SMARCA4: variants seen among roughly 807,000 people sequenced by gnomAD.
SMARCA4 encodes the protein SWI/SNF related BAF chromatin remodeling complex subunit ATPase 4.
A neutral mutation model predicts 193.9 loss-of-function variants in SMARCA4; 31 were observed. That is an observed-to-expected ratio of 0.16 (90% CI 0.12 to 0.22). SMARCA4 has a LOEUF of 0.22. Ranked by LOEUF, SMARCA4 falls within the 10% of genes least tolerant of loss-of-function variation. The pLI is 1.00. For synonymous variants in SMARCA4, 942 were observed against 933.1 expected, an observed-to-expected ratio of 1.01 and a Z score of -0.17; for missense variants, 1,148 against 2,296.0, an observed-to-expected ratio of 0.50 and a Z score of 10.22.
chr19:11,020,841 C>CT (rs1022542718), intron 18 of SMARCA4: 367 of 143,852 alleles, frequency 2.6e-3, no homozygotes, highest in Admixed American at 3.0e-3. Context: ...TTTTTCTCTT[C>CT]TTTTTTTTTT....
In SMARCA4 at chr19:10,986,882, C is replaced by G. The variant is rs2145794167; in HGVS notation, c.761-23C>G. 1 of 1,591,264 alleles carries G rather than the reference C, an allele frequency of 6.3e-7. No individual in the cohort carries two copies. The highest frequency in any genetic ancestry group is 8.6e-7 in the Non-Finnish European group (1 of 1,159,668). On this transcript the variant is annotated intron_variant, in intron 4 of 34. Transcript: ENST00000344626. This position sits in a 1 kb window ranked among gnomAD's most constrained non-coding sequence, Gnocchi z 6.7. ...ATAAACCTGGGACGCACTGTTTTCT[C>G]TTTTGTTTCTCCCTACATGTAGGTA...
intron 30 of SMARCA4, among the ~76,000 whole-genome samples, chr19:11,052,401 T>C (rs969568445): frequency 6.6e-6 from 1 of 152,046 alleles, no homozygotes; most frequent in African/African-American, 2.4e-5. Context: ...AGTGAGACCC[T>C]GTCTCAAAAA....
chr19:11,003,686 T>C (rs1014826614), intron 13 of SMARCA4, among the ~76,000 whole-genome samples: 2 of 152,016 alleles, frequency 1.3e-5, no homozygotes, highest in Non-Finnish European at 2.9e-5. Flanking sequence ...ATCCCTTATC[T>C]GGGAATGGTC....
At chr19:11,049,765 C>G (rs1049665601) in intron 30 of SMARCA4, among the ~76,000 whole-genome samples, 1 of 152,194 alleles carries the variant, frequency 6.6e-6, no homozygotes, top group Non-Finnish European at 1.5e-5. Context: ...CGCCAGCCAC[C>G]AGCCTGCCTG....
At chr19:11,047,286 A>G (rs987853173) in intron 30 of SMARCA4, among the ~76,000 whole-genome samples, 17 of 152,214 alleles carry the variant, frequency 1.1e-4, no homozygotes, top group African/African-American at 3.9e-4. Context: ...ACTTGAGGTG[A>G]TCTGGACGGT....
chr19:10,991,113 T>C (rs1442107760), intron 7 of SMARCA4, 37 bp from the exon 8 acceptor site: 1 of 1,611,558 alleles, frequency 6.2e-7, no homozygotes, highest in Non-Finnish European at 8.5e-7. Context: ...GCCACAGAGC[T>C]GTGCAGTGCG....
chr19:11,055,746 C>A (rs534203832), intron 30 of SMARCA4, among the ~76,000 whole-genome samples: 77 of 146,878 alleles, frequency 5.2e-4, no homozygotes, highest in Non-Finnish European at 1.1e-3. Flanking sequence ...GAATGGATCA[C>A]AAAACTGGCT....
At chr19:10,967,536 T>G (rs980827993) in intron 1 of SMARCA4, among the ~76,000 whole-genome samples, 2 of 151,452 alleles carry the variant, frequency 1.3e-5, no homozygotes, top group African/African-American at 4.9e-5. Flanking sequence ...GGTCTTGATC[T>G]CCTGACCTCG....
intron 9 of SMARCA4, 140 bp downstream of exon 9, chr19:10,995,141 G>A (rs990754745): frequency 1.5e-5 from 12 of 782,906 alleles, no homozygotes; most frequent in Non-Finnish European, 2.2e-5. Flanking sequence ...GAGCAGGCGC[G>A]GGCTTGGGAG....
In SMARCA4 at chr19:11,018,983, T is replaced by G; in HGVS notation, c.2465T>G (p.Phe822Cys). The G allele has an allele frequency of 6.2e-7, 1 of 1,614,198 alleles. No homozygotes were observed. Among genetic ancestry groups the G allele is most frequent in the Admixed American group, 1.7e-5 (1 of 60,034 alleles). Residue 822 changes from phenylalanine to cysteine, a missense_variant, in exon 17 of 35, where the codon TTT (phenylalanine) becomes TGT (cysteine). By Grantham distance (205) the Phe-to-Cys change is radical (BLOSUM62 -2). Around this residue, in one of 17 missense-constraint regions of SMARCA4, gnomAD observed 54 missense variants for 123.3 expected, o/e 0.44. Transcript: ENST00000344626. ...ACGCTGTCCAACTGGGCGTACGAGT[T>G]TGACAAGTGGGCCCCCTCCGTGGTG... ...LSTLSNWAYE[F>C]DKWAPSVVKV...
chr19:11,010,344 T>C (rs2146231130), intron 14 of SMARCA4, 37 bp from the exon 15 acceptor site: 1 of 1,611,268 alleles, frequency 6.2e-7, no homozygotes, highest in Non-Finnish European at 8.5e-7. Flanking sequence ...CAGATAGGAA[T>C]GTGTGTCCTT....
rs376966579 is a variant in SMARCA4 at position 11,044,887 on chromosome 19, A to T, written c.4424+3327A>T. ...TTGGTCATAATCTCCCAAAACAAGA[A>T]TCAGCCCAGTGTCCATCTACAGGGG... is the stretch of plus-strand genomic sequence containing the variant. On this transcript the variant is annotated intron_variant, in intron 30 of 34. Coordinates refer to ENST00000344626, the MANE Select transcript of SMARCA4 (RefSeq NM_003072.5). Among the ~76,000 whole-genome samples the T allele has an allele frequency of 1.1e-3, 170 of 152,302 alleles. 1 individual carries two copies. Among genetic ancestry groups the T allele is most frequent in the African/African-American group, 4.0e-3 (167 of 41,564 alleles).
chr19:10,965,148 C>T (rs935984073), intron 1 of SMARCA4, among the ~76,000 whole-genome samples: 2 of 152,158 alleles, frequency 1.3e-5, no homozygotes, highest in African/African-American at 2.4e-5. Flanking sequence ...GCCACTCTTC[C>T]CCATTTATGT....
At chr19:11,061,609 C>T in intron 34 of SMARCA4, 175 bp from the exon 35 acceptor site, 1 of 687,726 alleles carries the variant, frequency 1.5e-6, no homozygotes, top group South Asian at 1.5e-5. Context: ...ATCTCCTGAC[C>T]TCGTGATCCG....
In SMARCA4 at chr19:11,027,886, C is replaced by T. The variant is rs2146544509; in HGVS notation, c.3318C>T (p.Thr1106=). 1 of 1,614,164 alleles carries T rather than the reference C, an allele frequency of 6.2e-7. No individual in the cohort carries two copies. Among genetic ancestry groups the T allele is most frequent in the Non-Finnish European group, 8.5e-7 (1 of 1,180,028 alleles). The change falls in exon 24 of 35, where the codon ACC becomes ACT. Residue 1106 remains threonine, a synonymous_variant. Transcript: ENST00000344626. ...AAGTGCTGCTGTTCTGCCAAATGACCTCCCTCATGACCATCATGGAAGATT... is the reference window on the plus strand; with the variant it reads ...AAGTGCTGCTGTTCTGCCAAATGACTTCCCTCATGACCATCATGGAAGATT... ...NHKVLLFCQM[T]SLMTIMEDYF...
chr19:11,037,606 G>T (rs760284740), intron 29 of SMARCA4, among the ~76,000 whole-genome samples: 2 of 152,182 alleles, frequency 1.3e-5, no homozygotes, highest in Non-Finnish European at 2.9e-5. Flanking sequence ...TCGCTTCCGT[G>T]ATATCCGTTG....
chr19:11,026,831 G>A (rs1035896037), intron 23 of SMARCA4, among the ~76,000 whole-genome samples: 3 of 152,150 alleles, frequency 2.0e-5, no homozygotes, highest in African/African-American at 7.2e-5. Context: ...TTGGAGAGCT[G>A]ACCACTATTA....
chr19:11,021,598 G>A (rs774093591), intron 18 of SMARCA4, 127 bp from the exon 19 acceptor site: 3 of 1,211,574 alleles, frequency 2.5e-6, no homozygotes, highest in Non-Finnish European at 2.4e-6. Context: ...TCAGGCCTGT[G>A]CTCTCCACCC....
Position 11,033,198 on chromosome 19 carries a change from C to T in SMARCA4, c.3547-92C>T. On this transcript the variant is annotated intron_variant, in intron 25 of 34. Transcript: ENST00000344626. The surrounding 1 kb of genome is among the most constrained non-coding windows in gnomAD (Gnocchi z 9.8). ...GAATTGTCAGGCCGAGGGTGGCACG[C>T]ACAGCACACCTCTCCAGCTAGTGTC... 1 of 980,246 alleles carries T rather than the reference C, an allele frequency of 1.0e-6. No homozygotes were observed. Among genetic ancestry groups the T allele is most frequent in the Admixed American group, 1.7e-5 (1 of 58,050 alleles). The allele number at this position is 980,246 out of a possible 1,614,324, so 60.7% of individuals were successfully genotyped here.
Sources: gnomAD v4.1 joint callset for allele counts (sites outside exome capture counted in the v4.1 genomes callset) on GRCh38, gnomAD v4.1.1 for gene constraint, gnomAD v4.1.1 regional missense constraint, Gnocchi (gnomAD v3.1) non-coding constraint, MANE v1.5 for transcripts, NCBI Gene and HGNC (gene_info 2026-07-23, HGNC 2026-07-21) for gene names.